Variants in SEZ6L2 observed in about 807,000 individuals in gnomAD.
SEZ6L2 encodes the protein seizure 6-like protein 2.
SEZ6L2 carries 44 observed loss-of-function variants against 97.0 expected under a neutral mutation model. The ratio of observed to expected loss-of-function variants is 0.45; its 90% CI spans 0.36 to 0.58. The LOEUF is 0.58. Ranked by LOEUF, SEZ6L2 falls within the 20% of genes least tolerant of loss-of-function variation. SEZ6L2 has a pLI of 0.00. For missense variants in SEZ6L2, 1,086 were observed against 1,233.3 expected (o/e 0.88, Z 1.79); for synonymous variants, 543 against 546.1 (o/e 0.99, Z 0.08).
At chr16:29,889,773 T>G (rs1327473865) in intron 5 of SEZ6L2, among the ~76,000 whole-genome samples, 22 of 147,306 alleles carry the variant, frequency 1.5e-4, no homozygotes, top group Non-Finnish European at 7.5e-5. Context: ...GACTACAGGT[T>G]TGTGCCACCA....
rs763100339 is a variant in SEZ6L2 at position 29,895,854 on chromosome 16, C to G, written c.518G>C (p.Cys173Ser). Residue 173 changes from cysteine (C) to serine (S), a missense_variant, in exon 4 of 18, where the codon TGT (cysteine) becomes TCT (serine). Cys to Ser is a moderately radical substitution (Grantham distance 112, BLOSUM62 -1). Coordinates refer to ENST00000617533, the MANE Select transcript of SEZ6L2 (RefSeq NM_001243332.2). Reference protein sequence around the residue: ...VTTTVTSPVLCNNNISEGEGY... With the variant: ...VTTTVTSPVLSNNNISEGEGY... Reference sequence around the variant, plus strand: ...TTCGCCCTCGGAGATGTTGTTATTACACAGAACTGAGGAGATACAAATGGC... The same window carrying G: ...TTCGCCCTCGGAGATGTTGTTATTAGACAGAACTGAGGAGATACAAATGGC... 4.3e-6 allele frequency: 7 copies of G among 1,611,918 alleles called. No individual in the cohort carries two copies. Among genetic ancestry groups the G allele is most frequent in the Non-Finnish European group, 5.9e-6 (7 of 1,179,002 alleles).
rs111949414 is a variant in SEZ6L2, at chr16:29,874,848, G to C, written c.2105-1119C>G. ...AGCCTCCACCAGTGCTGGGATTACA[G>C]GTGTGAGCCACCACGGCTGGCCCCA... On this transcript the variant is annotated intron_variant, in intron 12 of 17. Transcript: ENST00000617533. Among the ~76,000 whole-genome samples, 471 of 152,118 alleles carry C rather than the reference G, an allele frequency of 3.1e-3. 3 individuals are homozygous for C. The highest frequency in any genetic ancestry group is 0.011 in the African/African-American group (445 of 41,506).
At chr16:29,897,397 C>G (rs1039877803) in intron 2 of SEZ6L2, among the ~76,000 whole-genome samples, 1 of 151,756 alleles carries the variant, frequency 6.6e-6, no homozygotes, top group Non-Finnish European at 1.5e-5. Context: ...TCTCTGCCTC[C>G]TCACTCAGAT....
intron 5 of SEZ6L2, among the ~76,000 whole-genome samples, chr16:29,894,094 C>G (rs2068329237): frequency 6.6e-6 from 1 of 152,220 alleles, no homozygotes; most frequent in Admixed American, 6.5e-5. Context: ...AGGTCTTGAA[C>G]TCCTGACCTC....
At position 29,877,409 on chromosome 16, in the gene SEZ6L2, G is replaced by A; in HGVS notation, c.1771C>T (p.Arg591Ter). ...GGTCCCCGCAGCTGGGCCAAGACTC[G>A]GGCGCTGGGACCGTCCCCGTCGAAC... ...TLFDGDGPSA[R>*]VLAQLRGPQP... Residue 591 changes from arginine (R) to a stop codon, truncating the protein, a stop_gained, in exon 11 of 18, where the codon CGA becomes TGA. Transcript: ENST00000617533. LOFTEE classifies it high-confidence loss of function. 1 of 1,612,476 alleles carries A rather than the reference G, an allele frequency of 6.2e-7. No homozygotes were observed. The highest frequency in any genetic ancestry group is 8.5e-7 in the Non-Finnish European group (1 of 1,179,328).
chr16:29,898,186 C>T (rs2068448714), intron 1 of SEZ6L2, among the ~76,000 whole-genome samples: 1 of 152,180 alleles, frequency 6.6e-6, no homozygotes, highest in Non-Finnish European at 1.5e-5. Context: ...CTTCTCTCCC[C>T]TCCCCTCTCC....
chr16:29,880,057 C>T lies in SEZ6L2; in HGVS notation c.1380G>A (p.Glu460=). ...LLLSLRFEAF[E]EDRCFAPFLA... ...GGAAGGGGGCGAAGCAGCGATCCTC[C>T]TCAAAGGCTGGGAAGGAGTCAGTCA... Residue 460 remains glutamate (E), a synonymous_variant, in exon 9 of 18, where the codon GAG becomes GAA. Coordinates refer to ENST00000617533, the MANE Select transcript of SEZ6L2 (RefSeq NM_001243332.2). 6.2e-7 allele frequency: 1 copy of T among 1,614,098 alleles called. No homozygotes were observed. The highest frequency in any genetic ancestry group is 2.2e-5 in the East Asian group (1 of 44,870).
chr16:29,897,362 T>C (rs1242419147), intron 2 of SEZ6L2, among the ~76,000 whole-genome samples: 1 of 143,388 alleles, frequency 7.0e-6, no homozygotes, highest in African/African-American at 2.6e-5. Context: ...CCTTCCACCC[T>C]GATACTCCTC....
intron 15 of SEZ6L2, 66 bp downstream of exon 15, chr16:29,872,639 T>G (rs2067808938): frequency 6.2e-7 from 1 of 1,602,136 alleles, no homozygotes; most frequent in African/African-American, 1.3e-5. Flanking sequence ...CCTGGCCTCC[T>G]GCCCCAGCCT....
Position 29,887,670 on chromosome 16 carries a change from G to A in SEZ6L2, c.1187C>T (p.Ser396Leu), listed in dbSNP as rs778481182. ...RRLHLHFERV[S>L]LDEDNDRLMV... is the part of the protein sequence containing the mutation. ...TTACCGGTCATTGTCCTCATCCAGC[G>A]AGACCCTTTCAAAGTGCAGGTGCAG... is the stretch of plus-strand genomic sequence containing the variant. The change falls in exon 7 of 18, where the codon TCG becomes TTG. Residue 396 changes from serine to leucine, a missense_variant. Physicochemically the swap from Ser to Leu is moderately radical, Grantham distance 145 (BLOSUM62 -2). This residue lies in a region of SEZ6L2 where 776 missense variants were observed against 794.7 expected (regional missense o/e 0.98). Coordinates refer to ENST00000617533, the MANE Select transcript of SEZ6L2 (RefSeq NM_001243332.2). The A allele has an allele frequency of 1.4e-5, 22 of 1,594,204 alleles. No individual in the cohort carries two copies. The highest frequency in any genetic ancestry group is 1.7e-4 in the Middle Eastern group (1 of 5,970).
At chr16:29,895,525 G>A in intron 4 of SEZ6L2, 65 bp from the exon 5 acceptor site, 2 of 1,560,578 alleles carry the variant, frequency 1.3e-6, no homozygotes, top group Non-Finnish European at 1.8e-6. Context: ...CAAAGCCCCT[G>A]TCCTGTGCCT....
Position 29,873,783 on chromosome 16 carries a change from G to T in SEZ6L2, c.2105-54C>A. 6.8e-7 allele frequency: 1 copy of T among 1,472,654 alleles called. No homozygotes were observed. 91.2% of individuals were successfully genotyped at this position (1,472,654 alleles called of 1,614,324 possible). ...AGCGAGGGCCTTCAAAGATCAGCCT[G>T]GGCAACACAGAGAGACCCCATCTCT... On this transcript the variant is annotated intron_variant, in intron 12 of 17. Transcript: ENST00000617533. This position sits in a 1 kb window ranked among gnomAD's most constrained non-coding sequence, Gnocchi z 4.3.
chr16:29,897,755 T>G, intron 2 of SEZ6L2, 98 bp downstream of exon 2: 1 of 1,377,932 alleles, frequency 7.3e-7, no homozygotes, highest in Non-Finnish European at 9.7e-7. Flanking sequence ...CTCTGCAGTC[T>G]CTCTCTGCCT....
chr16:29,871,683 G>C lies in SEZ6L2; in HGVS notation c.*16C>G, dbSNP rs1458712327. 4 of 1,607,596 alleles carry C rather than the reference G, an allele frequency of 2.5e-6. No homozygotes were observed. Among genetic ancestry groups the C allele is most frequent in the Non-Finnish European group, 3.4e-6 (4 of 1,176,886 alleles). On this transcript the variant is annotated 3_prime_UTR_variant, in exon 18 of 18. Coordinates refer to ENST00000617533, the MANE Select transcript of SEZ6L2 (RefSeq NM_001243332.2). ...GGGGAGGGGCGTCCTGGGTCCTGCA[G>C]CTGTAGTCTTGGGGTTCAGATGGAA...
chr16:29,876,982 G>A lies in SEZ6L2; in HGVS notation c.1910-32C>T. ...GGGAGGGAAGGCGAGTTTGGAGGCT[G>A]CGTTTTAACTGCGGGCTCCCTTCCA... On this transcript the variant is annotated intron_variant, in intron 11 of 17. Coordinates refer to ENST00000617533, the MANE Select transcript of SEZ6L2 (RefSeq NM_001243332.2). This position sits in a 1 kb window ranked among gnomAD's most constrained non-coding sequence, Gnocchi z 6.5. 6.4e-7 allele frequency: 1 copy of A among 1,572,736 alleles called. No homozygotes were observed. Among genetic ancestry groups the A allele is most frequent in the Non-Finnish European group, 8.7e-7 (1 of 1,154,258 alleles).
At position 29,871,579 on chromosome 16, in the gene SEZ6L2, A is replaced by C; in HGVS notation, c.*120T>G. Reference sequence around the variant, plus strand: ...ATCAAAGCCCCCTCGTGGGATAGGGAGACTATTTACACAGCCAGGGAGGAG... The same window carrying C: ...ATCAAAGCCCCCTCGTGGGATAGGGCGACTATTTACACAGCCAGGGAGGAG... On this transcript the variant is annotated 3_prime_UTR_variant, in exon 18 of 18. Coordinates refer to ENST00000617533, the MANE Select transcript of SEZ6L2 (RefSeq NM_001243332.2). 3 of 975,028 alleles carry C rather than the reference A, an allele frequency of 3.1e-6. No individual in the cohort carries two copies. The highest frequency in any genetic ancestry group is 4.8e-6 in the Non-Finnish European group (3 of 621,672). The allele number at this position is 975,028 out of a possible 1,614,324, so 60.4% of individuals were successfully genotyped here.
In SEZ6L2 at chr16:29,887,710, C is replaced by G. The variant is rs929209818; in HGVS notation, c.1147G>C (p.Ala383Pro). 1 of 1,611,550 alleles carries G rather than the reference C, an allele frequency of 6.2e-7. No individual in the cohort carries two copies. The highest frequency in any genetic ancestry group is 8.5e-7 in the Non-Finnish European group (1 of 1,178,534). The change falls in exon 7 of 18, where the codon GCT becomes CCT. Residue 383 changes from alanine to proline, a missense_variant. By Grantham distance (27) the Ala-to-Pro change is conservative. Transcript: ENST00000617533. ...NLTCRWVIEA[A>P]EGRRLHLHFE... ...TGCAGGTGCAGCCGGCGCCCCTCAG[C>G]TGCTTCAATGACCCAACGGCAGGTG...
rs773501935 is a variant in SEZ6L2, at chr16:29,897,859, G to C, written c.205C>G (p.Leu69Val). 5.6e-6 allele frequency: 9 copies of C among 1,603,692 alleles called. No homozygotes were observed. The highest frequency in any genetic ancestry group is 5.4e-5 in the Admixed American group (3 of 55,706). ...LLRRGPEMGY[L>V]PGSDRDPTLA... ...GCCACTCTGGGGGCCTCACCTGGCAGGTAGCCCATCTCTGGGCCCCTCCTC... is the reference window on the plus strand; with the variant it reads ...GCCACTCTGGGGGCCTCACCTGGCACGTAGCCCATCTCTGGGCCCCTCCTC... Residue 69 changes from leucine to valine, a missense_variant, in exon 2 of 18, where the codon CTG becomes GTG. Physicochemically the swap from Leu to Val is conservative, Grantham distance 32 (BLOSUM62 1). Coordinates refer to ENST00000617533, the MANE Select transcript of SEZ6L2 (RefSeq NM_001243332.2).
intron 5 of SEZ6L2, among the ~76,000 whole-genome samples, chr16:29,889,970 G>A (rs1302974408): frequency 2.6e-5 from 4 of 151,760 alleles, no homozygotes; most frequent in African/African-American, 9.7e-5. Flanking sequence ...GTGCATTGGC[G>A]CAATCTCGGC....
Sources: allele counts gnomAD v4.1 joint callset (sites outside exome capture counted in the v4.1 genomes callset), GRCh38; gene constraint gnomAD v4.1.1; regional missense constraint gnomAD v4.1.1; non-coding constraint Gnocchi (gnomAD v3.1); transcripts MANE v1.5; gene names NCBI Gene and HGNC (gene_info 2026-07-23, HGNC 2026-07-21).